Variants in ERICH1 observed in about 807,000 individuals in gnomAD.
ERICH1 encodes glutamate-rich protein 1.
Under a neutral mutation model 39.6 loss-of-function variants are expected in ERICH1, and 56 were observed. That is an observed-to-expected ratio of 1.41 (90% CI 1.14 to 1.77). ERICH1 has a LOEUF of 1.77. Ranked by LOEUF, ERICH1 falls within the 40% of genes most tolerant of loss-of-function variation. The pLI, the probability that ERICH1 is intolerant of heterozygous loss-of-function variation, is 0.00. For missense variants in ERICH1, 826 were observed against 575.4 expected (o/e 1.44, Z -4.45); for synonymous variants, 313 against 223.6 (o/e 1.40, Z -3.57).
chr8:652,466 A>G (rs1158321071), intron 3 of ERICH1, among the ~76,000 whole-genome samples: 1 of 152,208 alleles, frequency 6.6e-6, no homozygotes, highest in African/African-American at 2.4e-5. Flanking sequence ...TGGAGTTGAT[A>G]TCACATAAAG....
chr8:724,054 A>T (rs1457459631), intron 1 of ERICH1, among the ~76,000 whole-genome samples: 4 of 152,234 alleles, frequency 2.6e-5, no homozygotes, highest in African/African-American at 9.6e-5. Flanking sequence ...ATCAAAAAGA[A>T]AAAACAAAAA....
At position 716,017 on chromosome 8, in the gene ERICH1, C is replaced by A. The variant is rs764030347; in HGVS notation, c.23-10G>T. ...ACCTTCTCCACAAACACTGTACAGA[C>A]AACCGATTAAAAGAAAAGGAGGAAA... On this transcript the variant is annotated splice_polypyrimidine_tract_variant and intron_variant, in intron 1 of 5. Coordinates refer to ENST00000262109, the MANE Select transcript of ERICH1 (RefSeq NM_207332.3). 2 of 1,581,846 alleles carry A rather than the reference C, an allele frequency of 1.3e-6. No individual in the cohort carries two copies. The highest frequency in any genetic ancestry group is 2.7e-5 in the African/African-American group (2 of 72,988).
chr8:651,086 C>A (rs1799888813), intron 3 of ERICH1, among the ~76,000 whole-genome samples: 1 of 152,244 alleles, frequency 6.6e-6, no homozygotes, highest in Non-Finnish European at 1.5e-5. Context: ...CAGTCCCTGG[C>A]TTATCACACA....
chr8:659,071 C>T (rs1209103821), intron 3 of ERICH1, among the ~76,000 whole-genome samples: 1 of 53,624 alleles, frequency 1.9e-5, no homozygotes, highest in Non-Finnish European at 3.6e-5. Flanking sequence ...GAGGGGGTGA[C>T]GATCGAGATC....
chr8:641,837 C>G (rs1480089247), intron 3 of ERICH1, among the ~76,000 whole-genome samples: 2 of 152,226 alleles, frequency 1.3e-5, no homozygotes, highest in Admixed American at 6.5e-5. Context: ...AACGCCCCGG[C>G]TCTGTGCTGG....
At chr8:695,243 G>A (rs990340080) in intron 2 of ERICH1, among the ~76,000 whole-genome samples, 8 of 152,040 alleles carry the variant, frequency 5.3e-5, no homozygotes, top group African/African-American at 1.7e-4. Flanking sequence ...AGCCCTGTGC[G>A]GAAGGGACCC....
At chr8:633,377 G>A (rs1798174519) in intron 3 of ERICH1, among the ~76,000 whole-genome samples, 1 of 152,340 alleles carries the variant, frequency 6.6e-6, no homozygotes, top group African/African-American at 2.4e-5. Context: ...GCTGCATTCA[G>A]CGAGGTACTC....
chr8:684,616 C>T (rs766949225), intron 3 of ERICH1, among the ~76,000 whole-genome samples: 1 of 152,294 alleles, frequency 6.6e-6, no homozygotes, highest in South Asian at 2.1e-4. Context: ...GCCAAGACAT[C>T]TGTTTACCTC....
intron 3 of ERICH1, among the ~76,000 whole-genome samples, chr8:677,096 G>A (rs1434235063): frequency 6.6e-6 from 1 of 152,244 alleles, no homozygotes; most frequent in Non-Finnish European, 1.5e-5. Flanking sequence ...CCGCATGCTG[G>A]ACAGGAACCC....
intron 3 of ERICH1, among the ~76,000 whole-genome samples, chr8:622,573 C>G (rs1032875030): frequency 7.2e-5 from 11 of 152,162 alleles, no homozygotes; most frequent in African/African-American, 2.4e-4. Context: ...TTATAAAGCA[C>G]CCAGTCTGAG....
chr8:702,842 G>C (rs1288356180), intron 2 of ERICH1, among the ~76,000 whole-genome samples: 3 of 152,234 alleles, frequency 2.0e-5, no homozygotes, highest in African/African-American at 7.2e-5. Context: ...GCGAGAGCTG[G>C]ATGCCCCGGG....
chr8:661,346 G>T (rs145674138), downstream of ERICH1, among the ~76,000 whole-genome samples: 1 of 152,116 alleles, frequency 6.6e-6, no homozygotes, highest in African/African-American at 2.4e-5. Context: ...GCTGGGCCTG[G>T]GAAACAAATT....
At chr8:639,329 T>C (rs1196173043) in intron 3 of ERICH1, among the ~76,000 whole-genome samples, 1 of 152,180 alleles carries the variant, frequency 6.6e-6, no homozygotes, top group African/African-American at 2.4e-5. Context: ...CTGCTTATTC[T>C]TCCCAGGCTG....
chr8:713,851 G>A (rs927041904), intron 2 of ERICH1, among the ~76,000 whole-genome samples: 2 of 152,262 alleles, frequency 1.3e-5, no homozygotes, highest in Non-Finnish European at 2.9e-5. Flanking sequence ...ATACAAACAC[G>A]AACGAGACCC....
At chr8:650,106 C>T (rs955432088) in intron 3 of ERICH1, among the ~76,000 whole-genome samples, 2 of 152,238 alleles carry the variant, frequency 1.3e-5, no homozygotes, top group Non-Finnish European at 2.9e-5. Context: ...AGGTTGCGGT[C>T]TCAGCGCTCG....
intron 4 of ERICH1, among the ~76,000 whole-genome samples, chr8:672,696 T>C (rs965182589): frequency 6.6e-6 from 1 of 152,236 alleles, no homozygotes; most frequent in Non-Finnish European, 1.5e-5. Flanking sequence ...CAACAAAGCG[T>C]AGTGCAGATG....
At chr8:629,887 G>T (rs1426742655) in intron 3 of ERICH1, among the ~76,000 whole-genome samples, 1 of 124,986 alleles carries the variant, frequency 8.0e-6, no homozygotes, top group African/African-American at 3.4e-5. Context: ...ACACCCTCCT[G>T]TGAGCACCCA....
At chr8:694,823 G>A (rs920637390) in intron 2 of ERICH1, among the ~76,000 whole-genome samples, 3 of 152,188 alleles carry the variant, frequency 2.0e-5, no homozygotes, top group Admixed American at 6.5e-5. Context: ...GGAAGAGACC[G>A]GTTACACTTT....
intron 4 of ERICH1, among the ~76,000 whole-genome samples, chr8:670,870 C>T (rs994722307): frequency 2.0e-5 from 3 of 149,010 alleles, no homozygotes; most frequent in Non-Finnish European, 4.5e-5. Context: ...ACCTCTGAGC[C>T]CACCGGTCCC....
Sources: allele counts gnomAD v4.1 joint callset (sites outside exome capture counted in the v4.1 genomes callset), GRCh38; gene constraint gnomAD v4.1.1; transcripts MANE v1.5; gene names NCBI Gene and HGNC (gene_info 2026-07-23, HGNC 2026-07-21).